Variants in MYO7A observed in about 807,000 individuals in gnomAD.
The protein encoded by MYO7A is unconventional myosin-VIIa.
A neutral mutation model predicts 263.8 loss-of-function variants in MYO7A; 210 were observed. The ratio of observed to expected loss-of-function variants is 0.80; its 90% CI spans 0.71 to 0.89. The LOEUF (loss-of-function observed/expected upper bound fraction) is 0.89. Among genes scored for constraint, MYO7A ranks in the 40% least tolerant of loss-of-function variants. The pLI, the probability that MYO7A is intolerant of heterozygous loss-of-function variation, is 0.00. For synonymous variants in MYO7A, 1,239 were observed against 1,197.3 expected, an observed-to-expected ratio of 1.03 and a Z score of -0.72; for missense variants, 2,820 against 2,968.3, an observed-to-expected ratio of 0.95 and a Z score of 1.16.
intron 31 of MYO7A, among the ~76,000 whole-genome samples, chr11:77,192,789 TTGG>T (rs1398658036): frequency 2.5e-4 from 2 of 8,002 alleles, no homozygotes; most frequent in African/African-American, 3.8e-4. Flanking sequence ...AAGAGGATAG[TTGG>T]TGGTAGTAAC....
chr11:77,162,894 C>G lies in MYO7A; in HGVS notation c.1596C>G (p.His532Gln). ...TGTTACACAAGCTGAACTCCCAGCA[C>G]AAGCTCAACGCCAACTACATCCCCC... ...TTMLHKLNSQ[H>Q]KLNANYIPPK... The change falls in exon 14 of 49, where the codon CAC (histidine) becomes CAG (glutamine). Residue 532 changes from histidine to glutamine, a missense_variant. Transcript: ENST00000409709. The G allele has an allele frequency of 1.9e-6, 3 of 1,613,820 alleles. No homozygotes were observed. In the South Asian group the frequency reaches 3.3e-5, roughly 18 times the overall value.
intron 40 of MYO7A, among the ~76,000 whole-genome samples, 172 bp from the exon 41 acceptor site, chr11:77,205,925 G>A (rs1304389566): frequency 2.6e-5 from 4 of 152,092 alleles, no homozygotes; most frequent in Non-Finnish European, 5.9e-5. Flanking sequence ...CACACCCATC[G>A]TCCCATTTTA....
At chr11:77,169,663 C>A (rs1345205836) in intron 15 of MYO7A, among the ~76,000 whole-genome samples, 2 of 152,168 alleles carry the variant, frequency 1.3e-5, no homozygotes, top group South Asian at 2.1e-4. Flanking sequence ...ACCTACAAAC[C>A]TTTATTGAGT....
chr11:77,198,887 C>T (rs773519899), intron 34 of MYO7A, among the ~76,000 whole-genome samples: 3 of 152,192 alleles, frequency 2.0e-5, no homozygotes, highest in African/African-American at 4.8e-5. Flanking sequence ...AAGAGCTTGA[C>T]CTGGGGGTTC....
intron 35 of MYO7A, among the ~76,000 whole-genome samples, chr11:77,200,163 C>T (rs1197072338): frequency 6.6e-6 from 1 of 151,900 alleles, no homozygotes; most frequent in Non-Finnish European, 1.5e-5. Flanking sequence ...CATAGCTCTT[C>T]AGGAGGCTGA....
intron 15 of MYO7A, among the ~76,000 whole-genome samples, chr11:77,171,419 G>A (rs549374191): frequency 1.5e-3 from 228 of 152,272 alleles, no homozygotes; most frequent in Non-Finnish European, 2.4e-3. Context: ...CCACCCTACC[G>A]CATTGCAAAT....
chr11:77,166,243 G>A (rs782422295), intron 15 of MYO7A, 81 bp downstream of exon 15: 1 of 1,245,922 alleles, frequency 8.0e-7, no homozygotes. Flanking sequence ...TTGTCCAACA[G>A]CTTCAGCTGA....
Position 77,147,844 on chromosome 11 carries a change from AC to A in MYO7A, c.183del (p.Thr62ArgfsTer9), listed in dbSNP as rs1446588093. 6.2e-7 allele frequency: 1 copy of A among 1,609,416 alleles called. No homozygotes were observed. The highest frequency in any genetic ancestry group is 8.5e-7 in the Non-Finnish European group (1 of 1,178,652). On this transcript the variant is annotated frameshift_variant, in exon 4 of 49. Transcript: ENST00000409709. LOFTEE classifies it high-confidence loss of function. ...AACGCAACGCACATCAAGCCTATGCACCCCACGTCGGTCCACGGCGTGGAGG... is the reference window on the plus strand; with the variant it reads ...AACGCAACGCACATCAAGCCTATGCACCCACGTCGGTCCACGGCGTGGAGG... ...PQNATHIKPM[H>X]PTSVHGVEDM...
At chr11:77,180,590 C>A in intron 22 of MYO7A, 109 bp downstream of exon 22, 2 of 956,100 alleles carry the variant, frequency 2.1e-6, no homozygotes, top group Non-Finnish European at 3.2e-6. Context: ...TTCCATCCTT[C>A]AGAATGGCCA....
chr11:77,189,061 T>G (rs1955840372), intron 27 of MYO7A, among the ~76,000 whole-genome samples: 1 of 152,188 alleles, frequency 6.6e-6, no homozygotes, highest in Non-Finnish European at 1.5e-5. Flanking sequence ...CTGCGGCTGC[T>G]GAGCCCAGAG....
chr11:77,156,939 C>A lies in MYO7A; in HGVS notation c.670C>A (p.Arg224=). ...GKYIDIHFNK[R]GAIEGAKIEQ... ...GTACATCGACATCCACTTCAACAAG[C>A]GGGGCGCCATCGAGGGCGCGAAGAT... Residue 224 remains arginine, a synonymous_variant, in exon 7 of 49, where the codon CGG becomes AGG. Transcript: ENST00000409709. The A allele has an allele frequency of 6.2e-7, 1 of 1,613,996 alleles. No homozygotes were observed.
In MYO7A at chr11:77,204,088, A is replaced by T; in HGVS notation, c.5339A>T (p.Tyr1780Phe). The T allele has an allele frequency of 6.2e-7, 1 of 1,601,026 alleles. No individual in the cohort carries two copies. The highest frequency in any genetic ancestry group is 8.5e-7 in the Non-Finnish European group (1 of 1,174,068). Residue 1780 changes from tyrosine to phenylalanine, a missense_variant, in exon 39 of 49, where the codon TAC becomes TTC. Transcript: ENST00000409709. ...TGACAGTCCCCAGCTGTGCTCAAGTACATGGGCGACTACCCGTCCAAGAGG... is the reference window on the plus strand; with the variant it reads ...TGACAGTCCCCAGCTGTGCTCAAGTTCATGGGCGACTACCCGTCCAAGAGG... ...ACLAFIAVLKYMGDYPSKRTR... is the reference protein window; with the variant it reads ...ACLAFIAVLKFMGDYPSKRTR...
intron 25 of MYO7A, among the ~76,000 whole-genome samples, 153 bp downstream of exon 25, chr11:77,182,753 T>C (rs1408413560): frequency 1.3e-5 from 2 of 152,238 alleles, no homozygotes; most frequent in East Asian, 1.9e-4. Context: ...TGTCTACTTG[T>C]GGGAACAAAT....
intron 37 of MYO7A, 150 bp downstream of exon 37, chr11:77,202,574 C>T: frequency 9.7e-7 from 1 of 1,034,112 alleles, no homozygotes; most frequent in Non-Finnish European, 1.4e-6. Flanking sequence ...TTCTGTCTGC[C>T]AGGATGACCC....
chr11:77,177,435 C>T, intron 18 of MYO7A, 114 bp from the exon 19 acceptor site: 1 of 834,316 alleles, frequency 1.2e-6, no homozygotes, highest in South Asian at 1.5e-5. Flanking sequence ...TCATGGGGCC[C>T]AACTGAGTTC....
rs782475074 is a variant in MYO7A, at chr11:77,156,947, C to A, written c.678C>A (p.Ala226=). 2.1e-5 allele frequency: 34 copies of A among 1,613,868 alleles called. No individual in the cohort carries two copies. The highest frequency in any genetic ancestry group is 3.4e-6 in the Non-Finnish European group (4 of 1,179,906). ...ACATCCACTTCAACAAGCGGGGCGC[C>A]ATCGAGGGCGCGAAGATTGAGCAGT... ...YIDIHFNKRG[A]IEGAKIEQYL... Residue 226 remains alanine, a synonymous_variant, in exon 7 of 49, where the codon GCC becomes GCA. Coordinates refer to ENST00000409709, the MANE Select transcript of MYO7A (RefSeq NM_000260.4).
intron 2 of MYO7A, among the ~76,000 whole-genome samples, chr11:77,133,645 A>G (rs186340621): frequency 9.9e-5 from 15 of 151,906 alleles, no homozygotes; most frequent in Non-Finnish European, 2.1e-4. Context: ...ATATAGTTAG[A>G]TCATGTGGTT....
chr11:77,209,357 G>A (rs955004991), intron 44 of MYO7A: 1 of 154,104 alleles, frequency 6.5e-6, no homozygotes, highest in Non-Finnish European at 1.4e-5. Context: ...ATGACTGCAG[G>A]TTGGTGCTCT....
intron 36 of MYO7A, 75 bp downstream of exon 36, chr11:77,201,713 A>C: frequency 1.4e-6 from 2 of 1,473,292 alleles, no homozygotes; most frequent in Non-Finnish European, 1.9e-6. Context: ...ACAGCTGTAC[A>C]ATAGGTTAAC....
Sources: allele counts gnomAD v4.1 joint callset (sites outside exome capture counted in the v4.1 genomes callset), GRCh38; gene constraint gnomAD v4.1.1; transcripts MANE v1.5; gene names NCBI Gene and HGNC (gene_info 2026-07-23, HGNC 2026-07-21).